The following HERC2 variants were observed in gnomAD, a reference collection of about 807,000 sequenced individuals.
The protein encoded by HERC2 is E3 ubiquitin-protein ligase HERC2.
In HERC2, 102 loss-of-function variants were observed where a neutral mutation model predicts 537.7. That is an observed-to-expected ratio of 0.19 (90% CI 0.16 to 0.22). HERC2 has a LOEUF of 0.22. Among genes scored for constraint, HERC2 ranks in the 10% least tolerant of loss-of-function variants. The pLI is 1.00. For synonymous variants in HERC2, 2,224 were observed against 2,466.2 expected (o/e 0.90, Z 2.91); for missense variants, 4,236 against 6,198.2 (o/e 0.68, Z 10.63).
intron 55 of HERC2, chr15:28,190,747 G>A (rs1049107158): frequency 6.9e-6 from 4 of 582,884 alleles, no homozygotes; most frequent in African/African-American, 5.6e-5. Context: ...ACCAAAGAGA[G>A]TGAGAATGAA....
At chr15:28,290,720 A>T (rs951269081) in intron 4 of HERC2, among the ~76,000 whole-genome samples, 3 of 152,258 alleles carry the variant, frequency 2.0e-5, no homozygotes, top group Admixed American at 2.0e-4. Flanking sequence ...AGCGGGTAAA[A>T]GAAGAAATTA....
rs529858715 is a variant in HERC2 at position 28,236,898 on chromosome 15, C to T, written c.4003+65G>A. ...CCACTGTGCCTGGCCCTCTCCCACT[C>T]TTAATGGCACTTACAGTTCAAAAAA... On this transcript the variant is annotated intron_variant, in intron 26 of 92. Coordinates refer to ENST00000261609, the MANE Select transcript of HERC2 (RefSeq NM_004667.6). The T allele has an allele frequency of 2.9e-4, 428 of 1,499,956 alleles. 3 individuals carry two copies. In the African/African-American group the frequency reaches 5.2e-3, roughly 18 times the overall value. The allele number at this position is 1,499,956 out of a possible 1,614,324, so 92.9% of individuals were successfully genotyped here.
Position 28,168,555 on chromosome 15 carries a change from A to T in HERC2, c.10265T>A (p.Met3422Lys). The T allele has an allele frequency of 1.2e-6, 2 of 1,614,142 alleles. No homozygotes were observed. The highest frequency in any genetic ancestry group is 2.2e-5 in the South Asian group (2 of 91,072). ...CGAGGGGCACTCCACCGGGGCGATC[A>T]TGGCGGCCGGCATCAGGGCCCCGAC... is the stretch of plus-strand genomic sequence containing the variant. ...AVVGALMPAA[M>K]IAPVECPSFS... is the part of the protein sequence containing the mutation. The change falls in exon 67 of 93, where the codon ATG becomes AAG. Residue 3422 changes from methionine (M) to lysine (K), a missense_variant. Physicochemically the swap from Met to Lys is moderately conservative, Grantham distance 95 (BLOSUM62 -1). Transcript: ENST00000261609.
At chr15:28,260,716 G>T in intron 16 of HERC2, 61 bp downstream of exon 16, 1 of 1,379,706 alleles carries the variant, frequency 7.2e-7, no homozygotes, top group Non-Finnish European at 1.0e-6. Context: ...CTACATACTG[G>T]TAATGAACAA....
chr15:28,126,060 A>T (rs532117936), intron 83 of HERC2, among the ~76,000 whole-genome samples: 1 of 152,292 alleles, frequency 6.6e-6, no homozygotes, highest in African/African-American at 2.4e-5. Context: ...TCCACCTGAA[A>T]ATCTATGTTT....
At chr15:28,306,131 A>G (rs1236249542) in intron 2 of HERC2, among the ~76,000 whole-genome samples, 2 of 152,346 alleles carry the variant, frequency 1.3e-5, no homozygotes, top group African/African-American at 4.8e-5. Flanking sequence ...GACAGTGGGC[A>G]TCCGTGTCTT....
At position 28,233,578 on chromosome 15, in the gene HERC2, A is replaced by C; in HGVS notation, c.4352-17T>G. On this transcript the variant is annotated splice_polypyrimidine_tract_variant and intron_variant, in intron 28 of 92. Transcript: ENST00000261609. Reference sequence around the variant, plus strand: ...CCACATGACCTGTAAAAAGACATTTAAAAGAAGGGCAGGGATGAATATGTA... The same window carrying C: ...CCACATGACCTGTAAAAAGACATTTCAAAGAAGGGCAGGGATGAATATGTA... 6.2e-7 allele frequency: 1 copy of C among 1,613,734 alleles called. No homozygotes were observed. Among genetic ancestry groups the C allele is most frequent in the Non-Finnish European group, 8.5e-7 (1 of 1,179,666 alleles).
chr15:28,211,288 C>T, intron 43 of HERC2, 143 bp from the exon 44 acceptor site: 1 of 605,894 alleles, frequency 1.7e-6, no homozygotes, highest in Non-Finnish European at 3.0e-6. Context: ...TGACGAAGGG[C>T]TTGCCTTTCC....
At chr15:28,257,831 C>T (rs1426664418) in intron 16 of HERC2, among the ~76,000 whole-genome samples, 4 of 151,846 alleles carry the variant, frequency 2.6e-5, no homozygotes, top group African/African-American at 9.7e-5. Flanking sequence ...CAGGTGCCCG[C>T]CACCAAGCCT....
At chr15:28,116,164 C>T (rs1446257996) in intron 88 of HERC2, among the ~76,000 whole-genome samples, 7 of 152,008 alleles carry the variant, frequency 4.6e-5, no homozygotes, top group Admixed American at 2.6e-4. Context: ...AACAGCACCT[C>T]GTTCGCTTCC....
chr15:28,130,942 TCTC>T (rs1033556131), intron 81 of HERC2, among the ~76,000 whole-genome samples: 18 of 152,000 alleles, frequency 1.2e-4, no homozygotes, highest in African/African-American at 4.1e-4. Context: ...TCCCTGTGTC[TCTC>T]CTCACCTGCC....
Position 28,130,589 on chromosome 15 carries a change from A to T in HERC2, c.12576T>A (p.Asp4192Glu). Residue 4192 changes from aspartate to glutamate, a missense_variant, in exon 82 of 93, where the codon GAT becomes GAA. Physicochemically the swap from Asp to Glu is conservative, Grantham distance 45 (BLOSUM62 2). Coordinates refer to ENST00000261609, the MANE Select transcript of HERC2 (RefSeq NM_004667.6). Reference sequence around the variant, plus strand: ...TAACTACTCCAAGACCAGTAAGAGAATCAATCTAGAGGGGGAAAAGGTTCA... The same window carrying T: ...TAACTACTCCAAGACCAGTAAGAGATTCAATCTAGAGGGGGAAAAGGTTCA... ...SDGCKVPMKI[D>E]SLTGLGVVKV... 1 of 1,611,962 alleles carries T rather than the reference A, an allele frequency of 6.2e-7. No homozygotes were observed. Among genetic ancestry groups the T allele is most frequent in the Non-Finnish European group, 8.5e-7 (1 of 1,177,980 alleles).
At chr15:28,223,651 A>C (rs1900765499) in intron 35 of HERC2, among the ~76,000 whole-genome samples, 1 of 152,184 alleles carries the variant, frequency 6.6e-6, no homozygotes, top group Non-Finnish European at 1.5e-5. Flanking sequence ...TTTGCAAGCA[A>C]AACTGGGGGA....
intron 44 of HERC2, among the ~76,000 whole-genome samples, chr15:28,210,262 T>C (rs1899030171): frequency 6.6e-6 from 1 of 152,138 alleles, no homozygotes; most frequent in Admixed American, 6.6e-5. Context: ...GCCTCCCAAG[T>C]AGCTAGAACT....
In HERC2 at chr15:28,229,322, C is replaced by T. The variant is rs1901581154; in HGVS notation, c.5145G>A (p.Lys1715=). ...TAAAAGGCGGGATCAAATCAACATC[C>T]TTTAAACAATCAGTAAGAGGTTCCC... ...DIGEPLTDCL[K]DVDLIPPFNR... is the part of the protein sequence containing the mutation. Residue 1715 remains lysine, a synonymous_variant, in exon 34 of 93, where the codon AAG becomes AAA. Transcript: ENST00000261609. The T allele has an allele frequency of 6.2e-7, 1 of 1,612,954 alleles. No individual in the cohort carries two copies.
chr15:28,126,753 G>A, intron 83 of HERC2, among the ~76,000 whole-genome samples: 1 of 152,074 alleles, frequency 6.6e-6, no homozygotes, highest in East Asian at 1.9e-4. Flanking sequence ...CTACACATTG[G>A]GTACTGTGTA....
chr15:28,250,657 G>A (rs1397012527), intron 20 of HERC2, among the ~76,000 whole-genome samples: 3 of 152,074 alleles, frequency 2.0e-5, no homozygotes, highest in Non-Finnish European at 2.9e-5. Context: ...TCCAACTCAC[G>A]TTTTCCAAGG....
chr15:28,244,088 G>A (rs982638596), intron 23 of HERC2, among the ~76,000 whole-genome samples: 12 of 152,026 alleles, frequency 7.9e-5, no homozygotes, highest in African/African-American at 1.2e-4. Flanking sequence ...TGCTTGAGCC[G>A]GGGAGGTCAA....
intron 14 of HERC2, 22 bp from the exon 15 acceptor site, chr15:28,263,191 A>T: frequency 6.3e-7 from 1 of 1,592,654 alleles, no homozygotes; most frequent in Non-Finnish European, 8.6e-7. Context: ...AAATGCATTT[A>T]AATAACAACA....
Sources: allele counts gnomAD v4.1 joint callset (sites outside exome capture counted in the v4.1 genomes callset), GRCh38; gene constraint gnomAD v4.1.1; transcripts MANE v1.5; gene names NCBI Gene and HGNC (gene_info 2026-07-23, HGNC 2026-07-21).